Variants in NLRC5 observed in about 807,000 individuals in gnomAD.
NLRC5 encodes the protein protein NLRC5.
In NLRC5, 114 loss-of-function variants were observed where a neutral mutation model predicts 206.9. The ratio of observed to expected loss-of-function variants is 0.55; its 90% CI spans 0.47 to 0.64. The LOEUF is 0.64. NLRC5 is among the 30% of genes least tolerant of loss of function. NLRC5 has a pLI of 0.00. For synonymous variants in NLRC5, 952 were observed against 962.8 expected, an observed-to-expected ratio of 0.99 and a Z score of 0.21; for missense variants, 2,008 against 2,305.5, an observed-to-expected ratio of 0.87 and a Z score of 2.64.
intron 1 of NLRC5, among the ~76,000 whole-genome samples, chr16:56,998,560 T>A: frequency 6.6e-6 from 1 of 152,192 alleles, no homozygotes; most frequent in East Asian, 1.9e-4. Flanking sequence ...GTAACTGGCC[T>A]GGCGTCACCC....
chr16:57,036,080 C>T lies in NLRC5; in HGVS notation c.2628-20C>T, dbSNP rs113408105. The stretch of plus-strand genomic sequence containing the variant: ...AGGACTCCAGCCCCACAATACAGTG[C>T]ATTGGGCCCCCCGTCTCAGCCTCTC... On this transcript the variant is annotated intron_variant, in intron 13 of 48. Coordinates refer to ENST00000688547, the MANE Select transcript of NLRC5 (RefSeq NM_001384950.1). 0.07 allele frequency: 110,104 copies of T among 1,582,762 alleles called. 4,483 individuals are homozygous for T. Among genetic ancestry groups the T allele is most frequent in the African/African-American group, 0.18 (11,985 of 65,050 alleles).
chr16:57,028,001 G>A, intron 6 of NLRC5, 71 bp from the exon 7 acceptor site: 2 of 1,017,766 alleles, frequency 2.0e-6, no homozygotes, highest in Non-Finnish European at 3.0e-6. Context: ...CCATCTCTCT[G>A]AGGGGATGGC....
At chr16:57,032,119 G>C (rs948725305) in intron 11 of NLRC5, among the ~76,000 whole-genome samples, 3 of 151,986 alleles carry the variant, frequency 2.0e-5, no homozygotes, top group Non-Finnish European at 4.4e-5. Flanking sequence ...GGTAGTGTAG[G>C]ACCAATGTTG....
chr16:57,057,129 A>G (rs1406479956), intron 27 of NLRC5, among the ~76,000 whole-genome samples: 1 of 152,188 alleles, frequency 6.6e-6, no homozygotes, highest in Non-Finnish European at 1.5e-5. Flanking sequence ...CTGAAACTGT[A>G]GTTAAAACTA....
intron 18 of NLRC5, 104 bp from the exon 19 acceptor site, chr16:57,041,878 G>T: frequency 1.3e-6 from 1 of 769,380 alleles, no homozygotes; most frequent in Non-Finnish European, 2.1e-6. Context: ...GCCCAGGGCT[G>T]TGTCCAGTTT....
At chr16:57,061,827 G>A in intron 32 of NLRC5, 126 bp downstream of exon 32, 1 of 1,535,712 alleles carries the variant, frequency 6.5e-7, no homozygotes, top group Non-Finnish European at 8.7e-7. Context: ...CCTGCCATCT[G>A]GACCCTGAGC....
At chr16:57,076,984 C>A (rs2068484388) in intron 40 of NLRC5, 82 bp downstream of exon 40, 1 of 1,223,914 alleles carries the variant, frequency 8.2e-7, no homozygotes, top group South Asian at 1.2e-5. Context: ...CTGAGCACGC[C>A]CTTTGCTTCT....
At chr16:57,030,604 G>T (rs1461649055) in intron 10 of NLRC5, among the ~76,000 whole-genome samples, 2 of 130,170 alleles carry the variant, frequency 1.5e-5, no homozygotes, top group Admixed American at 7.7e-5. Flanking sequence ...AGATGGATAG[G>T]TGTGTGAAAA....
intron 30 of NLRC5, among the ~76,000 whole-genome samples, chr16:57,060,039 A>ATTATTG (rs2066230067): frequency 6.7e-6 from 1 of 149,098 alleles, no homozygotes; most frequent in Non-Finnish European, 1.5e-5. Flanking sequence ...TATTATTATT[A>ATTATTG]TTATTATTAT....
intron 1 of NLRC5, chr16:56,992,411 A>G (rs1338628202): frequency 6.6e-6 from 1 of 152,176 alleles, no homozygotes; most frequent in Non-Finnish European, 1.5e-5. Flanking sequence ...TTTGGAGGCA[A>G]TCTAAGGATG....
chr16:57,043,715 C>T, intron 20 of NLRC5, 111 bp downstream of exon 20: 2 of 827,082 alleles, frequency 2.4e-6, no homozygotes, highest in African/African-American at 1.7e-5. Flanking sequence ...TCATCCTCAG[C>T]ACCTTGGGCA....
chr16:57,004,267 A>G (rs1431684095), intron 1 of NLRC5, among the ~76,000 whole-genome samples: 1 of 151,958 alleles, frequency 6.6e-6, no homozygotes, highest in Admixed American at 6.6e-5. Context: ...TTGTTTATTT[A>G]TCCTTTGTTT....
intron 15 of NLRC5, 34 bp downstream of exon 15, chr16:57,037,318 C>T (rs1343330015): frequency 6.3e-7 from 1 of 1,577,998 alleles, no homozygotes; most frequent in South Asian, 1.1e-5. Flanking sequence ...TACCCATCCC[C>T]CCCCCCATCA....
intron 1 of NLRC5, among the ~76,000 whole-genome samples, chr16:56,993,358 G>GTAAT (rs1370600725): frequency 1.1e-4 from 16 of 151,820 alleles, no homozygotes; most frequent in African/African-American, 3.9e-4. Flanking sequence ...TGACTGCTCT[G>GTAAT]TAATTGATCT....
chr16:57,058,255 C>A, intron 28 of NLRC5, 107 bp downstream of exon 28: 2 of 946,668 alleles, frequency 2.1e-6, no homozygotes, highest in Non-Finnish European at 3.3e-6. Context: ...CACCAGAGGA[C>A]AAGGACTGTG....
In NLRC5 at chr16:57,055,083, C is replaced by T; in HGVS notation, c.3648C>T (p.Gly1216=). The T allele has an allele frequency of 1.9e-6, 3 of 1,614,068 alleles. No homozygotes were observed. The highest frequency in any genetic ancestry group is 1.1e-5 in the South Asian group (1 of 91,082). Residue 1216 remains glycine, a synonymous_variant, in exon 26 of 49, where the codon GGC becomes GGT. Transcript: ENST00000688547. ...TCAGATCCAACGAGGAGGAGGAAGG[C>T]GTGTGCTGTGGGTAAGCCCCCTTGA... The part of the protein sequence containing the change: ...LHFRSNEEEE[G]VCCGRFTGCS...
chr16:57,030,364 A>G (rs1435403786), intron 10 of NLRC5, among the ~76,000 whole-genome samples: 2 of 150,184 alleles, frequency 1.3e-5, no homozygotes, highest in Admixed American at 6.8e-5. Context: ...GGCTGAAAAG[A>G]TGGATGGGTG....
intron 28 of NLRC5, 56 bp from the exon 29 acceptor site, chr16:57,058,916 A>G: frequency 7.0e-7 from 1 of 1,422,836 alleles, no homozygotes; most frequent in Non-Finnish European, 9.9e-7. Context: ...GGGGCTGGGC[A>G]GGGCTCCAAG....
chr16:57,043,389 C>T, intron 19 of NLRC5, 126 bp from the exon 20 acceptor site: 1 of 780,412 alleles, frequency 1.3e-6, no homozygotes, highest in Non-Finnish European at 2.4e-6. Flanking sequence ...GCTCTCTGAC[C>T]ATCTTGGGTT....
Sources: allele counts gnomAD v4.1 joint callset (sites outside exome capture counted in the v4.1 genomes callset), GRCh38; gene constraint gnomAD v4.1.1; transcripts MANE v1.5; gene names NCBI Gene and HGNC (gene_info 2026-07-23, HGNC 2026-07-21).